LOC112694756: variants seen among roughly 807,000 people sequenced by gnomAD.
chr16:30,069,857 G>A, the LOC112694756 span: 1 of 1,614,174 alleles, frequency 6.2e-7, no homozygotes, highest in Non-Finnish European at 8.5e-7. Context: ...GGAGGCCAGA[G>A]TGAGGAGGAG....
At chr16:30,065,903 C>CACACCCGCCCCTCTCCTGT in the LOC112694756 span, 1 of 153,438 alleles carries the variant, frequency 6.5e-6, no homozygotes, top group Non-Finnish European at 1.5e-5. Flanking sequence ...CCGCACCCTG[C>CACACCCGCCCCTCTCCTGT]ACACCCGCCC....
chr16:30,067,718 A>C, the LOC112694756 span: 1 of 1,597,380 alleles, frequency 6.3e-7, no homozygotes, highest in East Asian at 2.2e-5. Context: ...AAGGAAATCC[A>C]GGTTAGTGAG....
At chr16:30,068,664 C>T in the LOC112694756 span, 51 of 1,614,066 alleles carry the variant, frequency 3.2e-5, no homozygotes, top group Non-Finnish European at 3.9e-5. Context: ...GGGCGTGGTC[C>T]CCCTGGCAGG....
the LOC112694756 span, chr16:30,068,559 C>T: frequency 2.1e-6 from 3 of 1,455,078 alleles, no homozygotes; most frequent in Admixed American, 5.2e-5. Context: ...GCTGAGATTC[C>T]ACCACTGTAC....
At chr16:30,068,578 G>C in the LOC112694756 span, 10 of 1,557,250 alleles carry the variant, frequency 6.4e-6, no homozygotes, top group African/African-American at 1.4e-5. Flanking sequence ...ACTCCAGCCG[G>C]GGCGACAGTG....
At chr16:30,061,352 C>T in the LOC112694756 span, among the ~76,000 whole-genome samples, 1 of 152,138 alleles carries the variant, frequency 6.6e-6, no homozygotes, top group Non-Finnish European at 1.5e-5. Context: ...TCATTTATAT[C>T]TCAGACACCT....
At chr16:30,070,401 CT>C in the LOC112694756 span, 10 of 627,104 alleles carry the variant, frequency 1.6e-5, no homozygotes, top group South Asian at 1.8e-4. Context: ...AAATAAACAG[CT>C]ATTTAAGGGG....
chr16:30,070,212 A>G, the LOC112694756 span: 2 of 1,613,950 alleles, frequency 1.2e-6, no homozygotes, highest in African/African-American at 2.7e-5. Context: ...ACGCCTATTA[A>G]GCGGAGGTGT....
At chr16:30,053,720 TC>T in the LOC112694756 span, among the ~76,000 whole-genome samples, 1 of 152,148 alleles carries the variant, frequency 6.6e-6, no homozygotes, top group Non-Finnish European at 1.5e-5. Flanking sequence ...GACTAAGTAA[TC>T]CACGAGAAAA....
chr16:30,069,048 A>C, the LOC112694756 span: 1 of 1,603,668 alleles, frequency 6.2e-7, no homozygotes, highest in Admixed American at 1.7e-5. Context: ...TTTGCCTATT[A>C]CCTGCCATGA....
the LOC112694756 span, chr16:30,067,330 C>G: frequency 3.7e-6 from 6 of 1,613,740 alleles, no homozygotes; most frequent in Non-Finnish European, 4.2e-6. Context: ...CATCGTGGCA[C>G]CTGGCAAGGG....
the LOC112694756 span, chr16:30,064,596 G>A: frequency 5.0e-6 from 2 of 398,072 alleles, no homozygotes; most frequent in African/African-American, 4.1e-5. Flanking sequence ...TAGTGTGAAT[G>A]TCAGGGGCTT....
At chr16:30,069,021 GGTTC>G in the LOC112694756 span, 2 of 1,613,340 alleles carry the variant, frequency 1.2e-6, no homozygotes, top group African/African-American at 2.7e-5. Flanking sequence ...TACCTCATTT[GGTTC>G]CAGTGTTGTT....
the LOC112694756 span, chr16:30,068,471 G>T: frequency 1.4e-6 from 1 of 724,946 alleles, no homozygotes; most frequent in Non-Finnish European, 2.5e-6. Flanking sequence ...TAAAGAAGAG[G>T]AAAGAGGGGC....
At chr16:30,069,753 A>G in the LOC112694756 span, 4 of 1,611,776 alleles carry the variant, frequency 2.5e-6, no homozygotes, top group Admixed American at 1.7e-5. Flanking sequence ...ACGGATTTCC[A>G]TGGCAACTTC....
chr16:30,056,449 C>A, the LOC112694756 span, among the ~76,000 whole-genome samples: 2 of 152,178 alleles, frequency 1.3e-5, no homozygotes, highest in Admixed American at 1.3e-4. Context: ...GTACCAATCA[C>A]TTTACAAACC....
the LOC112694756 span, chr16:30,055,069 C>T: frequency 2.3e-5 from 9 of 398,990 alleles, no homozygotes; most frequent in East Asian, 2.5e-4. Context: ...CAGGGGGTCC[C>T]TCCTCTCCTG....
At chr16:30,054,787 TC>T in the LOC112694756 span, 1 of 399,156 alleles carries the variant, frequency 2.5e-6, no homozygotes, top group South Asian at 1.3e-4. Flanking sequence ...CGTCCAGGCC[TC>T]CTCTAGCCCG....
chr16:30,069,703 GCA>G, the LOC112694756 span: 3 of 1,612,686 alleles, frequency 1.9e-6, no homozygotes, highest in Non-Finnish European at 2.5e-6. Context: ...TGATCTCTAT[GCA>G]GTAGATAAGC....
Sources: allele counts gnomAD v4.1 joint callset (sites outside exome capture counted in the v4.1 genomes callset), GRCh38; gene constraint gnomAD v4.1.1; transcripts MANE v1.5.